Variants in KDM4C observed in about 807,000 individuals in gnomAD.
KDM4C encodes the protein lysine-specific demethylase 4C.
A neutral mutation model predicts 129.3 loss-of-function variants in KDM4C; 81 were observed. That is an observed-to-expected ratio of 0.63 (90% CI 0.52 to 0.75). KDM4C has a LOEUF of 0.75. Ranked by LOEUF, KDM4C falls within the 30% of genes least tolerant of loss-of-function variation. The pLI is 0.00. For synonymous variants in KDM4C, 573 were observed against 456.1 expected, an observed-to-expected ratio of 1.26 and a Z score of -3.26; for missense variants, 1,457 against 1,304.0, an observed-to-expected ratio of 1.12 and a Z score of -1.81.
At chr9:6,760,368 C>G (rs896853713) in intron 1 of KDM4C, among the ~76,000 whole-genome samples, 1 of 151,610 alleles carries the variant, frequency 6.6e-6, no homozygotes, top group East Asian at 1.9e-4. Context: ...TTTGTGTTAT[C>G]TCTGCTTTTG....
rs1398422101 is a variant in KDM4C at position 7,036,365 on chromosome 9, G to C, written c.2260-10497G>C. ...GATGTATGTTCATCTTGGAGTCTTTGCTCAGGACCCTGGAAATACTATTAT... is the reference window on the plus strand; with the variant it reads ...GATGTATGTTCATCTTGGAGTCTTTCCTCAGGACCCTGGAAATACTATTAT... On this transcript the variant is annotated intron_variant, in intron 15 of 21. Coordinates refer to ENST00000381309, the MANE Select transcript of KDM4C (RefSeq NM_015061.6). Among the ~76,000 whole-genome samples, 4 of 152,158 alleles carry C rather than the reference G, an allele frequency of 2.6e-5. No individual in the cohort carries two copies. In the East Asian group the frequency reaches 5.8e-4, roughly 22 times the overall value.
At chr9:6,839,049 G>C (rs1320695335) in intron 4 of KDM4C, among the ~76,000 whole-genome samples, 1 of 152,160 alleles carries the variant, frequency 6.6e-6, no homozygotes, top group African/African-American at 2.4e-5. Flanking sequence ...GAAACTTCAA[G>C]GGCTTGTTCC....
chr9:7,170,177 TA>T, intron 21 of KDM4C: 1 of 1,276,358 alleles, frequency 7.8e-7, no homozygotes, highest in South Asian at 1.6e-5. Flanking sequence ...GTGCTCTGTG[TA>T]AAACACCAGG....
chr9:7,034,176 C>A (rs181180472), intron 15 of KDM4C, among the ~76,000 whole-genome samples: 1 of 152,138 alleles, frequency 6.6e-6, no homozygotes, highest in East Asian at 1.9e-4. Flanking sequence ...TTAACATATC[C>A]GTCATCTCAA....
intron 5 of KDM4C, among the ~76,000 whole-genome samples, chr9:6,868,265 ACT>A (rs1842353440): frequency 6.6e-6 from 1 of 151,872 alleles, no homozygotes; most frequent in Non-Finnish European, 1.5e-5. Flanking sequence ...AACTAGAGAC[ACT>A]CTAGCAACCA....
intron 1 of KDM4C, among the ~76,000 whole-genome samples, chr9:6,761,146 A>G (rs535984931): frequency 6.6e-6 from 1 of 151,768 alleles, no homozygotes; most frequent in African/African-American, 2.4e-5. Flanking sequence ...AGTAGCTGGG[A>G]TTACAGGCAC....
In KDM4C at chr9:6,909,717, T is replaced by C. The variant is rs536923244; in HGVS notation, c.921+16485T>C. 1.0e-3 allele frequency among the ~76,000 whole-genome samples: 154 copies of C among 152,332 alleles called. 1 individual carries two copies. The highest frequency in any genetic ancestry group is 3.5e-3 in the African/African-American group (147 of 41,578). ...ATATATACACTTATTTTGAAGTCTT[T>C]AGTATTTTAGAGTATATTTGACAGC... On this transcript the variant is annotated intron_variant, in intron 8 of 21. Transcript: ENST00000381309.
chr9:7,114,945 G>A (rs907970161), intron 18 of KDM4C, among the ~76,000 whole-genome samples: 1 of 152,094 alleles, frequency 6.6e-6, no homozygotes, highest in Non-Finnish European at 1.5e-5. Flanking sequence ...TGGTCGTGGT[G>A]GTGTGCGCCT....
intron 8 of KDM4C, among the ~76,000 whole-genome samples, chr9:6,923,262 A>G (rs910074802): frequency 2.1e-5 from 3 of 141,962 alleles, no homozygotes; most frequent in Non-Finnish European, 3.1e-5. Flanking sequence ...AAAATTCTGC[A>G]AAGAATGTTG....
chr9:7,144,020 T>C (rs1841999118), intron 19 of KDM4C, among the ~76,000 whole-genome samples: 2 of 152,230 alleles, frequency 1.3e-5, no homozygotes, highest in Non-Finnish European at 2.9e-5. Context: ...ATTTTTTTAC[T>C]GTGCTCAGGA....
At chr9:6,804,237 G>GA (rs1403065835) in intron 2 of KDM4C, among the ~76,000 whole-genome samples, 2 of 152,094 alleles carry the variant, frequency 1.3e-5, no homozygotes, top group East Asian at 3.8e-4. Flanking sequence ...CTGGTGTGCT[G>GA]AGGCACCTTA....
At chr9:7,115,212 A>T (rs901046763) in intron 18 of KDM4C, among the ~76,000 whole-genome samples, 19 of 152,154 alleles carry the variant, frequency 1.2e-4, no homozygotes, top group Non-Finnish European at 2.4e-4. Flanking sequence ...TTGGTTATTT[A>T]TTTATTTTTT....
intron 12 of KDM4C, among the ~76,000 whole-genome samples, chr9:6,990,927 C>A (rs1563944798): frequency 6.6e-6 from 1 of 152,254 alleles, no homozygotes; most frequent in African/African-American, 2.4e-5. Context: ...CAGTAAAAGT[C>A]TATGTGCCAT....
chr9:6,877,690 G>A (rs1449525095), intron 5 of KDM4C, among the ~76,000 whole-genome samples: 18 of 152,176 alleles, frequency 1.2e-4, no homozygotes, highest in Non-Finnish European at 2.9e-5. Flanking sequence ...ACTGCTGAGT[G>A]GGGTAGTGCT....
intron 15 of KDM4C, among the ~76,000 whole-genome samples, chr9:7,021,169 T>G (rs1563996314): frequency 6.6e-6 from 1 of 151,566 alleles, no homozygotes; most frequent in Non-Finnish European, 1.5e-5. Context: ...TTTTTTTTTT[T>G]GAGATGGGGT....
intron 17 of KDM4C, among the ~76,000 whole-genome samples, chr9:7,087,192 CAGAA>C (rs1835228257): frequency 6.6e-6 from 1 of 150,760 alleles, no homozygotes; most frequent in Non-Finnish European, 1.5e-5. Flanking sequence ...GCATATAACT[CAGAA>C]AGAGTTCGCA....
At chr9:7,056,602 T>C (rs946826518) in intron 17 of KDM4C, among the ~76,000 whole-genome samples, 2 of 152,222 alleles carry the variant, frequency 1.3e-5, no homozygotes, top group Non-Finnish European at 2.9e-5. Context: ...GATTTTTCTT[T>C]ATCTGTTGAG....
chr9:7,129,183 AAT>A (rs1384442773), intron 19 of KDM4C, among the ~76,000 whole-genome samples: 1 of 152,118 alleles, frequency 6.6e-6, no homozygotes, highest in Non-Finnish European at 1.5e-5. Flanking sequence ...GCGACTTTTT[AAT>A]AGTCATAATT....
intron 8 of KDM4C, among the ~76,000 whole-genome samples, chr9:6,949,395 G>C (rs1377606460): frequency 6.6e-6 from 1 of 151,954 alleles, no homozygotes; most frequent in Non-Finnish European, 1.5e-5. Flanking sequence ...CATCCCAGAC[G>C]ATGAGTGGCC....
Sources: gnomAD v4.1 joint callset for allele counts (sites outside exome capture counted in the v4.1 genomes callset) on GRCh38, gnomAD v4.1.1 for gene constraint, MANE v1.5 for transcripts, NCBI Gene and HGNC (gene_info 2026-07-23, HGNC 2026-07-21) for gene names.